NXPE4: variants seen among roughly 807,000 people sequenced by gnomAD.
NXPE4 encodes the protein NXPE family member 4.
NXPE4 carries 42 observed loss-of-function variants against 33.3 expected under a neutral mutation model. The observed-to-expected ratio is 1.26, with a 90% CI of 0.98 to 1.63. NXPE4 has a LOEUF of 1.63. NXPE4 is among the 40% of genes most tolerant of loss of function. The pLI is 0.00. For missense variants in NXPE4, 709 were observed against 647.6 expected (o/e 1.09, Z -1.03); for synonymous variants, 253 against 234.9 (o/e 1.08, Z -0.71).
chr11:114,615,764 C>T, the NXPE4 span, among the ~76,000 whole-genome samples: 1 of 148,076 alleles, frequency 6.8e-6, no homozygotes, highest in African/African-American at 2.5e-5. Context: ...ATAATAAGTA[C>T]TGCCTCATGG....
At chr11:114,615,105 G>T in the NXPE4 span, among the ~76,000 whole-genome samples, 1 of 151,934 alleles carries the variant, frequency 6.6e-6, no homozygotes, top group Admixed American at 6.6e-5. Flanking sequence ...TTGCTTCATG[G>T]GTAACCACTG....
At chr11:114,667,017 C>T in the NXPE4 span, among the ~76,000 whole-genome samples, 1 of 152,132 alleles carries the variant, frequency 6.6e-6, no homozygotes, top group Non-Finnish European at 1.5e-5. Context: ...CATCTAACGT[C>T]CTCACTTTTA....
At chr11:114,670,421 G>T in the NXPE4 span, among the ~76,000 whole-genome samples, 1 of 152,006 alleles carries the variant, frequency 6.6e-6, no homozygotes, top group African/African-American at 2.4e-5. Flanking sequence ...CAGGCCAAGC[G>T]CAGTGGCTCA....
intron 5 of NXPE4, among the ~76,000 whole-genome samples, chr11:114,579,825 G>C (rs1294938480): frequency 6.6e-6 from 1 of 152,142 alleles, no homozygotes; most frequent in Non-Finnish European, 1.5e-5. Context: ...TCTAGAAGCT[G>C]GACAATTTAA....
chr11:114,653,613 C>T, the NXPE4 span, among the ~76,000 whole-genome samples: 1 of 144,924 alleles, frequency 6.9e-6, no homozygotes, highest in East Asian at 2.2e-4. Flanking sequence ...CTGCAAGCTT[C>T]AACTTCTGGG....
In NXPE4 at chr11:114,594,702, A is replaced by T. The variant is rs1164078595; in HGVS notation, c.58T>A (p.Ser20Thr). ...SLLALLFILA[S>T]WIIFTVFQNS... ...TGGAAAACTGTAAAAATGATCCAGGAGGCTAATATAAACAACAGTGCCAAT... is the reference window on the plus strand; with the variant it reads ...TGGAAAACTGTAAAAATGATCCAGGTGGCTAATATAAACAACAGTGCCAAT... Residue 20 changes from serine to threonine, a missense_variant, in exon 2 of 6, where the codon TCC (serine) becomes ACC (threonine). By Grantham distance (58) the Ser-to-Thr change is moderately conservative. Coordinates refer to ENST00000375478, the MANE Select transcript of NXPE4 (RefSeq NM_001077639.2). The T allele has an allele frequency of 6.2e-7, 1 of 1,604,142 alleles. No homozygotes were observed. Among genetic ancestry groups the T allele is most frequent in the African/African-American group, 1.3e-5 (1 of 74,596 alleles).
Position 114,583,016 on chromosome 11 carries a change from C to T in NXPE4, c.102G>A (p.Trp34Ter), listed in dbSNP as rs1412471587. 5 of 1,605,492 alleles carry T rather than the reference C, an allele frequency of 3.1e-6. No homozygotes were observed. Among genetic ancestry groups the T allele is most frequent in the Non-Finnish European group, 4.3e-6 (5 of 1,176,174 alleles). Reference protein sequence around the residue: ...FTVFQNSTKVWSALNLSISLH... With the variant: ...FTVFQNSTKV ...GGGAGATGGATAAGTTTAGAGCAGA[C>T]CAAACCTGAAATGACAGCAAATGTG... The change falls in exon 3 of 6, where the codon TGG becomes TGA. Residue 34 changes from tryptophan (W) to a stop codon, truncating the protein, a stop_gained. Coordinates refer to ENST00000375478, the MANE Select transcript of NXPE4 (RefSeq NM_001077639.2). LOFTEE classifies it high-confidence loss of function.
upstream of NXPE4, among the ~76,000 whole-genome samples, chr11:114,596,594 C>T (rs1423273543): frequency 2.0e-5 from 3 of 152,210 alleles, no homozygotes; most frequent in Non-Finnish European, 2.9e-5. Flanking sequence ...TTCACCTTAA[C>T]AATACTTCTT....
intron 2 of NXPE4, among the ~76,000 whole-genome samples, chr11:114,589,171 G>A (rs1026427340): frequency 2.0e-5 from 3 of 152,112 alleles, no homozygotes; most frequent in African/African-American, 4.8e-5. Flanking sequence ...CTAGCCTGTG[G>A]TGGGGACCAC....
the NXPE4 span, among the ~76,000 whole-genome samples, chr11:114,620,209 G>A: frequency 6.6e-6 from 1 of 151,916 alleles, no homozygotes; most frequent in South Asian, 2.1e-4. Context: ...ACTAACTTTT[G>A]CCTGATGGGT....
At chr11:114,632,483 C>T in the NXPE4 span, among the ~76,000 whole-genome samples, 2 of 122,770 alleles carry the variant, frequency 1.6e-5, no homozygotes, top group African/African-American at 3.0e-5. Context: ...CTATATAATA[C>T]TCCATAATAT....
At chr11:114,621,347 T>A in the NXPE4 span, among the ~76,000 whole-genome samples, 1 of 152,152 alleles carries the variant, frequency 6.6e-6, no homozygotes, top group Non-Finnish European at 1.5e-5. Flanking sequence ...AAGTGTTGCC[T>A]CGTTAGTAAA....
At chr11:114,580,678 C>T (rs750942034) in intron 4 of NXPE4, among the ~76,000 whole-genome samples, 1 of 152,244 alleles carries the variant, frequency 6.6e-6, no homozygotes, top group Non-Finnish European at 1.5e-5. Context: ...GCTCAATTAT[C>T]CTATCATTTT....
chr11:114,607,106 C>G, the NXPE4 span, among the ~76,000 whole-genome samples: 1 of 151,822 alleles, frequency 6.6e-6, no homozygotes, highest in Admixed American at 6.6e-5. Context: ...CGTGAGTAAC[C>G]ACTGTTACCC....
chr11:114,617,142 G>A, the NXPE4 span, among the ~76,000 whole-genome samples: 2 of 151,916 alleles, frequency 1.3e-5, no homozygotes, highest in East Asian at 1.9e-4. Flanking sequence ...TGGATAATAA[G>A]TGACGTTTTG....
At chr11:114,645,780 A>C in the NXPE4 span, among the ~76,000 whole-genome samples, 6 of 152,304 alleles carry the variant, frequency 3.9e-5, no homozygotes, top group East Asian at 1.2e-3. Context: ...CAATGTTACT[A>C]ATTATAAAAT....
chr11:114,639,842 A>T, the NXPE4 span, among the ~76,000 whole-genome samples: 1 of 110,936 alleles, frequency 9.0e-6, no homozygotes, highest in Non-Finnish European at 1.7e-5. Flanking sequence ...TATATTAAAT[A>T]TAAAATATAA....
the NXPE4 span, among the ~76,000 whole-genome samples, chr11:114,666,609 A>T: frequency 1.3e-5 from 2 of 152,152 alleles, no homozygotes; most frequent in South Asian, 4.1e-4. Flanking sequence ...GATTAATAGG[A>T]TATATGGCCT....
At chr11:114,677,576 C>T in the NXPE4 span, among the ~76,000 whole-genome samples, 28 of 151,970 alleles carry the variant, frequency 1.8e-4, no homozygotes, top group South Asian at 2.5e-3. Context: ...AATTATCTAC[C>T]GAATCTCTGT....
Sources: allele counts gnomAD v4.1 joint callset (sites outside exome capture counted in the v4.1 genomes callset), GRCh38; gene constraint gnomAD v4.1.1; transcripts MANE v1.5; gene names NCBI Gene and HGNC (gene_info 2026-07-23, HGNC 2026-07-21).